Variants in CREB5 observed in about 807,000 individuals in gnomAD.
CREB5 encodes the protein cyclic AMP-responsive element-binding protein 5.
CREB5 carries 19 observed loss-of-function variants against 57.1 expected under a neutral mutation model. The observed-to-expected ratio is 0.33, with a 90% confidence interval of 0.23 to 0.49. CREB5 has a LOEUF of 0.49. Among genes scored for constraint, CREB5 ranks in the 20% least tolerant of loss-of-function variants. The probability of loss-of-function intolerance (pLI) is 0.99; values close to 1 mark genes in which losing one functional copy is unlikely to be tolerated. For missense variants in CREB5, 579 were observed against 671.6 expected (o/e 0.86, Z 1.52); for synonymous variants, 238 against 238.3 (o/e 1.00, Z 0.01).
At chr7:28,410,560 C>G, upstream of CREB5, 1 of 456,680 alleles carries the variant, frequency 2.2e-6, no homozygotes, top group Non-Finnish European at 4.4e-6. Flanking sequence ...AGCCCTAGAC[C>G]TTGTCCACAC....
At chr7:28,330,196 G>A (rs1385835247) in intron 1 of CREB5, among the ~76,000 whole-genome samples, 1 of 152,204 alleles carries the variant, frequency 6.6e-6, no homozygotes, top group Non-Finnish European at 1.5e-5. Context: ...GATATTTCCT[G>A]TTTTGAAGGT....
intron 1 of CREB5, among the ~76,000 whole-genome samples, chr7:28,460,617 C>T (rs1790310533): frequency 6.6e-6 from 1 of 152,092 alleles, no homozygotes; most frequent in African/African-American, 2.4e-5. Context: ...GTGGGGTATC[C>T]ATCATGAAGA....
At chr7:28,547,253 T>A (rs1330098846) in intron 4 of CREB5, among the ~76,000 whole-genome samples, 7 of 152,230 alleles carry the variant, frequency 4.6e-5, no homozygotes, top group African/African-American at 1.7e-4. Context: ...CATAGAAATT[T>A]ACACTAATAA....
At chr7:28,440,925 T>C (rs2128560517) in intron 1 of CREB5, among the ~76,000 whole-genome samples, 1 of 152,312 alleles carries the variant, frequency 6.6e-6, no homozygotes, top group East Asian at 1.9e-4. Context: ...TGAGGTTGGG[T>C]GCATTGGGAT....
In CREB5 at chr7:28,787,609, G is replaced by C. The variant is rs113040294; in HGVS notation, c.703-16590G>C. ...TGAGACAAGGTTTTGCTCTGTTGCCGAGGCTAAAGCGCAGGCTGCACTGCA... is the reference window on the plus strand; with the variant it reads ...TGAGACAAGGTTTTGCTCTGTTGCCCAGGCTAAAGCGCAGGCTGCACTGCA... On this transcript the variant is annotated intron_variant, in intron 7 of 10. Coordinates refer to ENST00000357727, the MANE Select transcript of CREB5 (RefSeq NM_182898.4). Among the ~76,000 whole-genome samples the C allele has an allele frequency of 2.4e-3, 366 of 152,260 alleles. 1 individual carries two copies. The highest frequency in any genetic ancestry group is 7.7e-3 in the African/African-American group (322 of 41,550).
At chr7:28,704,517 G>A (rs1272253202) in intron 5 of CREB5, among the ~76,000 whole-genome samples, 3 of 151,780 alleles carry the variant, frequency 2.0e-5, no homozygotes, top group Admixed American at 6.6e-5. Flanking sequence ...TTTCTGCAGT[G>A]ACACGATCAT....
At position 28,718,741 on chromosome 7, in the gene CREB5, T is replaced by C. The variant is rs776496434; in HGVS notation, c.465-12T>C. On this transcript the variant is annotated splice_polypyrimidine_tract_variant and intron_variant, in intron 5 of 10. Coordinates refer to ENST00000357727, the MANE Select transcript of CREB5 (RefSeq NM_182898.4). ...CAGGAATCATGTTTGTTTGTTTTTTTCTTTGTCCCAGGCCTGTCCCAGGCT... is the reference window on the plus strand; with the variant it reads ...CAGGAATCATGTTTGTTTGTTTTTTCCTTTGTCCCAGGCCTGTCCCAGGCT... 11 of 1,613,216 alleles carry C rather than the reference T, an allele frequency of 6.8e-6. No individual in the cohort carries two copies. Among genetic ancestry groups the C allele is most frequent in the African/African-American group, 4.0e-5 (3 of 74,902 alleles).
intron 5 of CREB5, chr7:28,686,203 TTTTTAA>T: frequency 1.2e-6 from 2 of 1,606,306 alleles, no homozygotes; most frequent in Non-Finnish European, 1.7e-6. Context: ...ATGAGGTTTG[TTTTTAA>T]TTTTATTTTC....
intron 1 of CREB5, among the ~76,000 whole-genome samples, chr7:28,486,005 T>A (rs1168323243): frequency 6.6e-6 from 1 of 152,094 alleles, no homozygotes; most frequent in Non-Finnish European, 1.5e-5. Context: ...GATATTTGTG[T>A]CTAAATATAA....
At chr7:28,813,447 G>A (rs866285230) in intron 9 of CREB5, among the ~76,000 whole-genome samples, 1 of 152,190 alleles carries the variant, frequency 6.6e-6, no homozygotes, top group Non-Finnish European at 1.5e-5. Context: ...TTGGACACAT[G>A]AGCCCAGGTC....
intron 4 of CREB5, among the ~76,000 whole-genome samples, chr7:28,565,848 GA>G (rs1342707043): frequency 6.6e-6 from 1 of 152,222 alleles, no homozygotes; most frequent in African/African-American, 2.4e-5. Flanking sequence ...TTGAACCCAG[GA>G]GACAGAGATT....
intron 1 of CREB5, among the ~76,000 whole-genome samples, chr7:28,467,403 C>T (rs1343981343): frequency 6.6e-6 from 1 of 152,154 alleles, no homozygotes; most frequent in Non-Finnish European, 1.5e-5. Flanking sequence ...CTGCTTTTTT[C>T]TATCGTTTTG....
At chr7:28,508,231 T>G (rs1410863347) in intron 4 of CREB5, among the ~76,000 whole-genome samples, 1 of 152,238 alleles carries the variant, frequency 6.6e-6, no homozygotes, top group Admixed American at 6.5e-5. Flanking sequence ...TGAGTACAAC[T>G]GTGAATCATT....
At chr7:28,457,556 T>G (rs925429112) in intron 1 of CREB5, among the ~76,000 whole-genome samples, 3 of 152,178 alleles carry the variant, frequency 2.0e-5, no homozygotes, top group African/African-American at 7.2e-5. Flanking sequence ...GCAAATAAAA[T>G]GAATTCTAAA....
intron 7 of CREB5, among the ~76,000 whole-genome samples, chr7:28,739,575 C>A (rs1312740398): frequency 6.6e-6 from 1 of 152,166 alleles, no homozygotes; most frequent in Non-Finnish European, 1.5e-5. Context: ...ACAGTCTCAG[C>A]CTCTAAAGAA....
At chr7:28,589,641 A>C (rs1254782515) in intron 5 of CREB5, among the ~76,000 whole-genome samples, 4 of 152,158 alleles carry the variant, frequency 2.6e-5, no homozygotes, top group Non-Finnish European at 4.4e-5. Context: ...GAAATGCATA[A>C]ATCTTGAGTA....
chr7:28,526,713 C>T (rs191644723), intron 4 of CREB5, among the ~76,000 whole-genome samples: 12 of 152,336 alleles, frequency 7.9e-5, no homozygotes, highest in Admixed American at 5.2e-4. Context: ...GGACTGGCCA[C>T]GCTGAGAAGC....
chr7:28,634,790 G>A (rs759389322), intron 5 of CREB5, among the ~76,000 whole-genome samples: 3 of 152,058 alleles, frequency 2.0e-5, no homozygotes, highest in Non-Finnish European at 4.4e-5. Flanking sequence ...GAAGAATTTA[G>A]TCTGTATCTC....
intron 3 of CREB5, among the ~76,000 whole-genome samples, chr7:28,495,706 A>G (rs1416509631): frequency 6.6e-6 from 1 of 152,184 alleles, no homozygotes; most frequent in Non-Finnish European, 1.5e-5. Flanking sequence ...CTTAGCTAAA[A>G]TAAAGGATCA....
Sources: gnomAD v4.1 joint callset for allele counts (sites outside exome capture counted in the v4.1 genomes callset) on GRCh38, gnomAD v4.1.1 for gene constraint, MANE v1.5 for transcripts, NCBI Gene and HGNC (gene_info 2026-07-23, HGNC 2026-07-21) for gene names.